SORCS3: variants seen among roughly 807,000 people sequenced by gnomAD.
The protein encoded by SORCS3 is VPS10 domain-containing receptor SorCS3.
A neutral mutation model predicts 146.3 loss-of-function variants in SORCS3; 57 were observed. That is an observed-to-expected ratio of 0.39 (90% CI 0.31 to 0.49). The LOEUF (loss-of-function observed/expected upper bound fraction) is 0.49, where lower values mean the gene tolerates loss of function less well. Ranked by LOEUF, SORCS3 falls within the 20% of genes least tolerant of loss-of-function variation. SORCS3 has a pLI of 0.92. For synonymous variants in SORCS3, 653 were observed against 618.5 expected, an observed-to-expected ratio of 1.06 and a Z score of -0.83; for missense variants, 1,341 against 1,575.5, an observed-to-expected ratio of 0.85 and a Z score of 2.52.
chr10:105,201,396 C>T, intron 16 of SORCS3, 143 bp downstream of exon 16: 2 of 1,025,078 alleles, frequency 2.0e-6, no homozygotes, highest in South Asian at 3.5e-5. Flanking sequence ...CCATCCATCC[C>T]AGTTACTGGG....
At chr10:104,747,139 G>A (rs1414139200) in intron 1 of SORCS3, among the ~76,000 whole-genome samples, 1 of 152,148 alleles carries the variant, frequency 6.6e-6, no homozygotes, top group African/African-American at 2.4e-5. Flanking sequence ...GAGAACGTTG[G>A]TCCATTGTTC....
At chr10:105,247,190 C>A in intron 21 of SORCS3, 29 bp from the exon 22 acceptor site, 2 of 1,329,860 alleles carry the variant, frequency 1.5e-6, no homozygotes, top group South Asian at 1.2e-5. Flanking sequence ...ACTCTCCCAG[C>A]CTCACTTAAA....
At chr10:105,250,630 A>G (rs1398473139) in intron 22 of SORCS3, among the ~76,000 whole-genome samples, 1 of 152,090 alleles carries the variant, frequency 6.6e-6, no homozygotes, top group Non-Finnish European at 1.5e-5. Context: ...CCTTCACTGC[A>G]TTGGGTGGTT....
chr10:105,241,084 T>G (rs1271603154), intron 20 of SORCS3, among the ~76,000 whole-genome samples: 1 of 152,200 alleles, frequency 6.6e-6, no homozygotes, highest in African/African-American at 2.4e-5. Flanking sequence ...ATTTATTTTT[T>G]TGTTTGTATA....
At chr10:104,986,079 A>G (rs2054960529) in intron 4 of SORCS3, among the ~76,000 whole-genome samples, 1 of 152,226 alleles carries the variant, frequency 6.6e-6, no homozygotes, top group South Asian at 2.1e-4. Context: ...TAGCTGTGAA[A>G]GTCCTAGATG....
At position 104,907,016 on chromosome 10, in the gene SORCS3, G is replaced by A. The variant is rs187805021; in HGVS notation, c.696-8817G>A. 8.9e-4 allele frequency among the ~76,000 whole-genome samples: 135 copies of A among 151,918 alleles called. 1 individual carries two copies. The highest frequency in any genetic ancestry group is 6.9e-3 in the South Asian group (33 of 4,802). On this transcript the variant is annotated intron_variant, in intron 2 of 26. Coordinates refer to ENST00000369701, the MANE Select transcript of SORCS3 (RefSeq NM_014978.3). ...AAACTTAATGGAAATGTATTGCCTT[G>A]TTGTGTCTGGATATACTGTGTGTGT...
intron 4 of SORCS3, among the ~76,000 whole-genome samples, chr10:105,009,544 A>ACCC (rs1427054486): frequency 4.0e-5 from 6 of 148,668 alleles, no homozygotes; most frequent in South Asian, 2.1e-4. Context: ...AAAAAAAAAA[A>ACCC]AAAAAAACCC....
chr10:104,940,234 ATATATTTTTT>A (rs1239929584), intron 3 of SORCS3, among the ~76,000 whole-genome samples: 323 of 24,204 alleles, frequency 0.013, 1 homozygote, highest in African/African-American at 0.055. Flanking sequence ...ATATATATAT[ATATATTTTTT>A]TTTTTTTTTT....
Position 104,892,244 on chromosome 10 carries a change from G to A in SORCS3, c.696-23589G>A, listed in dbSNP as rs142919696. On this transcript the variant is annotated intron_variant, in intron 2 of 26. Transcript: ENST00000369701. ...TGGACTAGCTCAGTGCTGTGTTTAGGGAGATGCACTAAGCTAGTTGGGATT... is the reference window on the plus strand; with the variant it reads ...TGGACTAGCTCAGTGCTGTGTTTAGAGAGATGCACTAAGCTAGTTGGGATT... Among the ~76,000 whole-genome samples the A allele has an allele frequency of 4.6e-5, 7 of 152,250 alleles. No individual in the cohort carries two copies. In the East Asian group the frequency reaches 1.4e-3, roughly 29 times the overall value.
At chr10:105,173,458 T>C (rs969343623) in intron 13 of SORCS3, among the ~76,000 whole-genome samples, 1 of 152,210 alleles carries the variant, frequency 6.6e-6, no homozygotes, top group Non-Finnish European at 1.5e-5. Flanking sequence ...CCTCTATATA[T>C]TTTGTTACCA....
At chr10:104,899,063 C>T (rs1294747902) in intron 2 of SORCS3, among the ~76,000 whole-genome samples, 1 of 152,134 alleles carries the variant, frequency 6.6e-6, no homozygotes, top group Non-Finnish European at 1.5e-5. Flanking sequence ...TAGCATCTAG[C>T]ATAGCTCTGT....
At chr10:104,940,225 TATATATATATA>T (rs1397650482) in intron 3 of SORCS3, among the ~76,000 whole-genome samples, 5 of 16,718 alleles carry the variant, frequency 3.0e-4, no homozygotes, top group East Asian at 2.1e-3. Context: ...TATATATATA[TATATATATATA>T]TATTTTTTTT....
chr10:105,154,348 G>A lies in SORCS3; in HGVS notation c.1483-2790G>A, dbSNP rs897605848. On this transcript the variant is annotated intron_variant, in intron 9 of 26. Coordinates refer to ENST00000369701, the MANE Select transcript of SORCS3 (RefSeq NM_014978.3). ...CATGGTAATTGCTTTTCTCAGCAGA[G>A]CCCTGGCTTCTTTGTCCTGAGGTCT... is the stretch of plus-strand genomic sequence containing the variant. Among the ~76,000 whole-genome samples the A allele has an allele frequency of 3.3e-5, 5 of 152,310 alleles. No individual in the cohort carries two copies. In the East Asian group the frequency reaches 9.7e-4, roughly 30 times the overall value.
chr10:104,686,289 G>A (rs368482869), intron 1 of SORCS3, among the ~76,000 whole-genome samples: 1 of 152,052 alleles, frequency 6.6e-6, no homozygotes, highest in East Asian at 1.9e-4. Flanking sequence ...TGGGAGGGTG[G>A]TAATTTTTGT....
intron 4 of SORCS3, among the ~76,000 whole-genome samples, chr10:105,037,827 C>T (rs946727110): frequency 6.6e-6 from 1 of 152,176 alleles, no homozygotes; most frequent in South Asian, 2.1e-4. Flanking sequence ...TGTGACTCTC[C>T]TATGATCTCA....
intron 1 of SORCS3, among the ~76,000 whole-genome samples, chr10:104,649,621 T>C (rs2015535302): frequency 6.6e-6 from 1 of 152,132 alleles, no homozygotes; most frequent in Non-Finnish European, 1.5e-5. Flanking sequence ...ATAGTTCATG[T>C]CCCCAGTCAA....
At chr10:104,650,644 C>T (rs990086991) in intron 1 of SORCS3, among the ~76,000 whole-genome samples, 25 of 152,224 alleles carry the variant, frequency 1.6e-4, no homozygotes, top group Non-Finnish European at 7.3e-5. Context: ...TCCTTGCTCT[C>T]TTGTATCTGG....
intron 1 of SORCS3, among the ~76,000 whole-genome samples, chr10:104,785,087 C>T (rs540861649): frequency 2.0e-5 from 3 of 152,214 alleles, no homozygotes; most frequent in South Asian, 2.1e-4. Flanking sequence ...CTGACCCCCC[C>T]CCACCTCCCT....
At chr10:105,206,514 G>T (rs1301859253) in intron 16 of SORCS3, among the ~76,000 whole-genome samples, 1 of 152,192 alleles carries the variant, frequency 6.6e-6, no homozygotes, top group South Asian at 2.1e-4. Flanking sequence ...CCTGCAGGAG[G>T]TAGTGGTGGG....
Sources: allele counts gnomAD v4.1 joint callset (sites outside exome capture counted in the v4.1 genomes callset), GRCh38; gene constraint gnomAD v4.1.1; transcripts MANE v1.5; gene names NCBI Gene and HGNC (gene_info 2026-07-23, HGNC 2026-07-21).